Variants in ROR1 observed in about 807,000 individuals in gnomAD.
The protein encoded by ROR1 is ROR family WNT receptor 1.
Under a neutral mutation model 78.8 loss-of-function variants are expected in ROR1, and 19 were observed. That is an observed-to-expected ratio of 0.24 (90% CI 0.17 to 0.35). ROR1 has a LOEUF of 0.35. ROR1 is among the 10% of genes least tolerant of loss of function. The pLI, the probability that ROR1 is intolerant of heterozygous loss-of-function variation, is 1.00. For synonymous variants in ROR1, 386 were observed against 433.6 expected (o/e 0.89, Z 1.36); for missense variants, 917 against 1,177.8 (o/e 0.78, Z 3.24).
intron 1 of ROR1, among the ~76,000 whole-genome samples, chr1:63,885,756 C>T (rs769821691): frequency 5.3e-5 from 8 of 152,196 alleles, no homozygotes; most frequent in South Asian, 2.1e-4. Context: ...TCAATGCAAC[C>T]GAGCAGATTG....
intron 4 of ROR1, among the ~76,000 whole-genome samples, chr1:64,111,594 C>A (rs1229892833): frequency 6.6e-6 from 1 of 152,174 alleles, no homozygotes; most frequent in Non-Finnish European, 1.5e-5. Context: ...TGCCTTGGTA[C>A]ATTGTCCGTG....
Position 64,048,431 on chromosome 1 carries a change from C to G in ROR1, c.164-1260C>G, listed in dbSNP as rs1412578874. On this transcript the variant is annotated intron_variant, in intron 2 of 8. Coordinates refer to ENST00000371079, the MANE Select transcript of ROR1 (RefSeq NM_005012.4). ...GCAGTGATGACCAGAACATTCCCAT[C>G]CCTGCCCTTATGGGGCTGATAGCTC... Among the ~76,000 whole-genome samples the G allele has an allele frequency of 2.6e-5, 4 of 152,264 alleles. No individual in the cohort carries two copies. In the South Asian group the frequency reaches 8.3e-4, roughly 32 times the overall value.
chr1:63,976,177 T>C (rs1646159389), intron 1 of ROR1, among the ~76,000 whole-genome samples: 1 of 152,134 alleles, frequency 6.6e-6, no homozygotes, highest in Admixed American at 6.5e-5. Context: ...GGTAATGTCA[T>C]GGAGTGTGAG....
chr1:63,989,079 G>C (rs1646273676), intron 1 of ROR1, among the ~76,000 whole-genome samples: 1 of 151,290 alleles, frequency 6.6e-6, no homozygotes. Context: ...GTTTTCCACA[G>C]TGGCTGTACC....
At chr1:64,142,254 G>T in intron 6 of ROR1, 151 bp from the exon 7 acceptor site, 1 of 1,288,806 alleles carries the variant, frequency 7.8e-7, no homozygotes, top group East Asian at 2.5e-5. Context: ...AGCAAAGCAG[G>T]GAGACTGTCC....
intron 1 of ROR1, among the ~76,000 whole-genome samples, chr1:63,892,258 T>G (rs1278661789): frequency 6.6e-6 from 1 of 152,132 alleles, no homozygotes; most frequent in Non-Finnish European, 1.5e-5. Context: ...AAGATAGATG[T>G]GTACGGGGGA....
intron 1 of ROR1, among the ~76,000 whole-genome samples, chr1:63,806,016 C>G (rs1010052502): frequency 6.6e-6 from 1 of 152,132 alleles, no homozygotes; most frequent in South Asian, 2.1e-4. Context: ...GAGACGCTGT[C>G]TCAAAAAATA....
chr1:64,040,194 A>G (rs1646735104), intron 2 of ROR1, among the ~76,000 whole-genome samples: 1 of 152,196 alleles, frequency 6.6e-6, no homozygotes, highest in Non-Finnish European at 1.5e-5. Flanking sequence ...TTAGCATTTT[A>G]AAATTGGGAT....
intron 2 of ROR1, among the ~76,000 whole-genome samples, chr1:64,026,148 T>C (rs1177274072): frequency 6.6e-6 from 1 of 152,236 alleles, no homozygotes. Context: ...CTTGTCTTCA[T>C]TCTCACTCTT....
intron 1 of ROR1, among the ~76,000 whole-genome samples, chr1:63,831,447 G>A (rs1277289725): frequency 6.6e-6 from 1 of 152,214 alleles, no homozygotes; most frequent in Non-Finnish European, 1.5e-5. Flanking sequence ...CCCAACACCA[G>A]GTGGAAGCTG....
chr1:63,787,815 T>G (rs1481769583), intron 1 of ROR1, among the ~76,000 whole-genome samples: 1 of 152,240 alleles, frequency 6.6e-6, no homozygotes, highest in Non-Finnish European at 1.5e-5. Flanking sequence ...CATAAGCCAC[T>G]GCACCCGGCC....
At chr1:63,840,481 C>T (rs1300376276) in intron 1 of ROR1, among the ~76,000 whole-genome samples, 4 of 151,832 alleles carry the variant, frequency 2.6e-5, no homozygotes, top group East Asian at 1.9e-4. Context: ...AGGGTTTCAC[C>T]GTGTTGGCCA....
intron 8 of ROR1, chr1:64,171,312 G>C (rs1424207502): frequency 6.5e-6 from 1 of 153,886 alleles, no homozygotes; most frequent in Non-Finnish European, 1.4e-5. Context: ...CTTATGCAGG[G>C]AAACTCCCCC....
intron 1 of ROR1, among the ~76,000 whole-genome samples, chr1:63,806,118 A>T (rs963700004): frequency 6.6e-6 from 1 of 152,202 alleles, no homozygotes; most frequent in Non-Finnish European, 1.5e-5. Flanking sequence ...AAATCCTGCA[A>T]CAAAGAAATC....
intron 4 of ROR1, among the ~76,000 whole-genome samples, chr1:64,051,416 C>G (rs937167702): frequency 4.0e-5 from 6 of 150,088 alleles, no homozygotes; most frequent in Non-Finnish European, 8.9e-5. Context: ...CGCCACTGCA[C>G]TCCAGCCTGG....
chr1:64,174,833 AG>A (rs1650333052), intron 8 of ROR1, among the ~76,000 whole-genome samples: 1 of 152,144 alleles, frequency 6.6e-6, no homozygotes, highest in Non-Finnish European at 1.5e-5. Context: ...CAAAAAAAGT[AG>A]GGTTGGCTCA....
At chr1:63,938,835 C>A (rs946019164) in intron 1 of ROR1, among the ~76,000 whole-genome samples, 7 of 151,906 alleles carry the variant, frequency 4.6e-5, no homozygotes, top group Admixed American at 3.9e-4. Context: ...GTCTCTACAA[C>A]AAAACAAAAT....
At chr1:63,798,041 T>C (rs1198823861) in intron 1 of ROR1, among the ~76,000 whole-genome samples, 1 of 152,138 alleles carries the variant, frequency 6.6e-6, no homozygotes, top group Non-Finnish European at 1.5e-5. Context: ...GCCAGCCAGC[T>C]CTCATTGAGC....
intron 1 of ROR1, among the ~76,000 whole-genome samples, chr1:64,002,415 C>T (rs142913450): frequency 3.5e-4 from 53 of 152,222 alleles, no homozygotes; most frequent in African/African-American, 1.1e-3. Context: ...TGAGCCATTG[C>T]GCCCGGCCTG....
Sources: gnomAD v4.1 joint callset for allele counts (sites outside exome capture counted in the v4.1 genomes callset) on GRCh38, gnomAD v4.1.1 for gene constraint, MANE v1.5 for transcripts, NCBI Gene and HGNC (gene_info 2026-07-23, HGNC 2026-07-21) for gene names.